The following PCNX1 variants were observed in gnomAD, a reference collection of about 807,000 sequenced individuals.
PCNX1 encodes pecanex-like protein 1.
In PCNX1, 78 loss-of-function variants were observed where a neutral mutation model predicts 242.2. The observed-to-expected ratio is 0.32, with a 90% CI of 0.27 to 0.39. The LOEUF (loss-of-function observed/expected upper bound fraction) is 0.39. Ranked by LOEUF, PCNX1 falls within the 10% of genes least tolerant of loss-of-function variation. The pLI is 1.00. For missense variants in PCNX1, 2,581 were observed against 2,856.5 expected, an observed-to-expected ratio of 0.90 and a Z score of 2.20; for synonymous variants, 1,024 against 1,032.9, an observed-to-expected ratio of 0.99 and a Z score of 0.17.
At chr14:70,975,181 A>G (rs909776764) in intron 5 of PCNX1, among the ~76,000 whole-genome samples, 4 of 152,200 alleles carry the variant, frequency 2.6e-5, no homozygotes, top group African/African-American at 9.7e-5. Context: ...AAATGTGAAT[A>G]TCACACCAAC....
At position 71,025,996 on chromosome 14, in the gene PCNX1, A is replaced by G. The variant is rs527710419; in HGVS notation, c.3184-121A>G. 1,229 of 508,594 alleles carry G rather than the reference A, an allele frequency of 2.4e-3. 5 individuals carry two copies. Among genetic ancestry groups the G allele is most frequent in the South Asian group, 5.2e-3 (115 of 22,060 alleles). The allele number at this position is 508,594 out of a possible 1,614,324, so 31.5% of individuals were successfully genotyped here. A position where few individuals can be genotyped will look rare whatever the true frequency, so the allele number is the denominator to read the frequency against. ...TTTGTTAATCCTTTCTGTGATTGTC[A>G]GAAATCTGGCTTCCATATGGAAAAA... On this transcript the variant is annotated intron_variant, in intron 13 of 35. Transcript: ENST00000304743.
intron 33 of PCNX1, among the ~76,000 whole-genome samples, chr14:71,107,181 T>C (rs373216471): frequency 1.3e-4 from 20 of 152,214 alleles, no homozygotes; most frequent in East Asian, 1.2e-3. Flanking sequence ...ACTGCCCCCC[T>C]GACTGCTTCA....
chr14:71,114,269 C>CT lies in PCNX1; in HGVS notation c.*4340dup, dbSNP rs910592715. 6.6e-6 allele frequency: 1 copy of CT among 151,996 alleles called. No individual in the cohort carries two copies. The highest frequency in any genetic ancestry group is 2.4e-5 in the African/African-American group (1 of 41,382). The allele number at this position is 151,996 out of a possible 1,614,324, so 9.4% of individuals were successfully genotyped here. On this transcript the variant is annotated 3_prime_UTR_variant, in exon 36 of 36. Transcript: ENST00000304743. ...CCAATCGTTTTCTCCATTTATCTAT[C>CT]TTTTTTGTTTGTTTTTAATTTGGTT...
chr14:71,072,031 T>G (rs1302181700), intron 26 of PCNX1, among the ~76,000 whole-genome samples: 1 of 152,186 alleles, frequency 6.6e-6, no homozygotes, highest in Non-Finnish European at 1.5e-5. Flanking sequence ...TACTCCAAAG[T>G]ACTTAGAACA....
chr14:70,932,306 A>G (rs1285440792), intron 1 of PCNX1, among the ~76,000 whole-genome samples: 2 of 152,218 alleles, frequency 1.3e-5, no homozygotes, highest in Non-Finnish European at 2.9e-5. Context: ...TTATAGCTAA[A>G]CATTTTGAGG....
chr14:71,084,682 C>T (rs1397347502), intron 28 of PCNX1, among the ~76,000 whole-genome samples: 1 of 152,194 alleles, frequency 6.6e-6, no homozygotes, highest in Non-Finnish European at 1.5e-5. Context: ...TCAGTAATGG[C>T]AGATGCCCCT....
chr14:71,089,988 G>A (rs1566793982), intron 30 of PCNX1, among the ~76,000 whole-genome samples: 1 of 152,092 alleles, frequency 6.6e-6, no homozygotes, highest in Admixed American at 6.6e-5. Context: ...TGTAAGTAAA[G>A]GTCCATGGCC....
rs112208990 is a variant in PCNX1 at position 71,039,907 on chromosome 14, C to G, written c.3867+3750C>G. Among the ~76,000 whole-genome samples the G allele has an allele frequency of 1.6e-4, 25 of 152,258 alleles. 3 individuals carry two copies. Among genetic ancestry groups the G allele is most frequent in the African/African-American group, 5.5e-4 (23 of 41,548 alleles). On this transcript the variant is annotated intron_variant, in intron 19 of 35. Coordinates refer to ENST00000304743, the MANE Select transcript of PCNX1 (RefSeq NM_014982.3). The stretch of plus-strand genomic sequence containing the variant: ...GCATGTAATTACCATGTTTAGTGCC[C>G]TGCATTATTTTGTGGGTATCCATGT...
chr14:71,114,681 C>CT lies in PCNX1; in HGVS notation c.*4752dup, dbSNP rs3214222. The stretch of plus-strand genomic sequence containing the variant: ...TTATACCTATTATATAGGGTTATAC[C>CT]TTTTTTCTTATGCCTCAGCTCTGTA... On this transcript the variant is annotated 3_prime_UTR_variant, in exon 36 of 36. Transcript: ENST00000304743. The CT allele has an allele frequency of 0.3, 45,159 of 152,110 alleles. 6,707 individuals carry two copies. The highest frequency in any genetic ancestry group is 0.4 in the Middle Eastern group (117 of 294). The allele number at this position is 152,110 out of a possible 1,614,324, so 9.4% of individuals were successfully genotyped here. A position where few individuals can be genotyped will look rare whatever the true frequency, so the allele number is the denominator to read the frequency against.
intron 1 of PCNX1, among the ~76,000 whole-genome samples, chr14:70,944,646 A>C (rs1360967695): frequency 3.9e-5 from 6 of 152,154 alleles, no homozygotes; most frequent in African/African-American, 1.4e-4. Flanking sequence ...TTGAAATGTG[A>C]GGATGAGAGA....
chr14:71,003,003 C>T (rs1257176560), intron 8 of PCNX1, among the ~76,000 whole-genome samples: 4 of 151,378 alleles, frequency 2.6e-5, no homozygotes, highest in African/African-American at 9.7e-5. Flanking sequence ...GCTTATTGGC[C>T]ACATACATAT....
chr14:70,934,849 A>G (rs1208072426), intron 1 of PCNX1, among the ~76,000 whole-genome samples: 3 of 152,240 alleles, frequency 2.0e-5, no homozygotes, highest in African/African-American at 7.2e-5. Context: ...AAGTTGCATG[A>G]CAATGTGAAT....
chr14:70,950,947 T>A (rs895569631), intron 2 of PCNX1, among the ~76,000 whole-genome samples: 1 of 152,094 alleles, frequency 6.6e-6, no homozygotes, highest in Non-Finnish European at 1.5e-5. Flanking sequence ...GGTCCAATTT[T>A]GTGTGTTTGT....
intron 16 of PCNX1, chr14:71,031,548 C>T (rs2060384183): frequency 2.3e-6 from 1 of 442,190 alleles, no homozygotes; most frequent in Non-Finnish European, 4.2e-6. Context: ...CAAGAATGCC[C>T]CAACTTCAAC....
rs1046870052 is a variant in PCNX1 at position 70,971,115 on chromosome 14, GTTTTTTTTTTTTTTTTTTTTTTTTTTT to G, written c.604+2019_604+2045del. 1.2e-3 allele frequency among the ~76,000 whole-genome samples: 17 copies of G among 14,510 alleles called. 8 individuals carry two copies. Among genetic ancestry groups the G allele is most frequent in the Middle Eastern group, 0.053 (2 of 38 alleles). The allele number at this position is 14,510 out of a possible 152,430, so 9.5% of individuals were successfully genotyped here. ...AATCTATGCTATACTACTTTATATA[GTTTTTTTTTTTTTTTTTTTTTTTTTTT>G]TTTTTTTTTTTTTGAGACGGAGTCT... is the stretch of plus-strand genomic sequence containing the variant. On this transcript the variant is annotated intron_variant, in intron 5 of 35. Coordinates refer to ENST00000304743, the MANE Select transcript of PCNX1 (RefSeq NM_014982.3).
At chr14:71,067,700 G>A (rs1043042883) in intron 26 of PCNX1, among the ~76,000 whole-genome samples, 1 of 151,850 alleles carries the variant, frequency 6.6e-6, no homozygotes, top group African/African-American at 2.4e-5. Context: ...GTGATGTTAG[G>A]GTGTTGATTT....
In PCNX1 at chr14:70,978,464, A is replaced by T; in HGVS notation, c.2127A>T (p.Ala709=). 1 of 1,614,182 alleles carries T rather than the reference A, an allele frequency of 6.2e-7. No individual in the cohort carries two copies. Among genetic ancestry groups the T allele is most frequent in the Middle Eastern group, 1.6e-4 (1 of 6,062 alleles). The change falls in exon 6 of 36, where the codon GCA becomes GCT. Residue 709 remains alanine, a synonymous_variant. Coordinates refer to ENST00000304743, the MANE Select transcript of PCNX1 (RefSeq NM_014982.3). ...TGAATGACTCAAACAGGTTAATGGC[A>T]CCTGAAAGTATAAAGCCCTTAACCA... ...ACLNDSNRLM[A]PESIKPLTTS...
At chr14:70,994,403 A>G (rs4619334) in intron 7 of PCNX1, among the ~76,000 whole-genome samples, 53 of 41,432 alleles carry the variant, frequency 1.3e-3, no homozygotes, top group African/African-American at 5.6e-3. Context: ...TAAGATATAT[A>G]TATATATATA....
chr14:71,106,251 C>T (rs2141874783), intron 33 of PCNX1, among the ~76,000 whole-genome samples: 1 of 152,140 alleles, frequency 6.6e-6, no homozygotes, highest in Admixed American at 6.5e-5. Context: ...ATCTCCTGAC[C>T]TTGTGATCCG....
Sources: allele counts gnomAD v4.1 joint callset (sites outside exome capture counted in the v4.1 genomes callset), GRCh38; gene constraint gnomAD v4.1.1; transcripts MANE v1.5; gene names NCBI Gene and HGNC (gene_info 2026-07-23, HGNC 2026-07-21).